SLC4A10: variants seen among roughly 807,000 people sequenced by gnomAD.
SLC4A10 encodes the protein solute carrier family 4 member 10, also known as sodium-driven chloride bicarbonate exchanger.
SLC4A10 carries 42 observed loss-of-function variants against 137.7 expected under a neutral mutation model. The observed-to-expected ratio is 0.30, with a 90% CI of 0.24 to 0.39. SLC4A10 has a LOEUF of 0.39. Among genes scored for constraint, SLC4A10 ranks in the 10% least tolerant of loss-of-function variants. The pLI, the probability that SLC4A10 is intolerant of heterozygous loss-of-function variation, is 1.00. For missense variants in SLC4A10, 925 were observed against 1,355.0 expected (o/e 0.68, Z 4.98); for synonymous variants, 474 against 464.1 (o/e 1.02, Z -0.27).
chr2:161,964,862 TG>T (rs1157918477), intron 22 of SLC4A10, among the ~76,000 whole-genome samples, 188 bp from the exon 23 acceptor site: 2 of 152,154 alleles, frequency 1.3e-5, no homozygotes, highest in Non-Finnish European at 2.9e-5. Context: ...GTCATTATTG[TG>T]GTGATGTAGT....
chr2:161,625,508 T>C (rs1464092993), intron 1 of SLC4A10, among the ~76,000 whole-genome samples: 2 of 152,216 alleles, frequency 1.3e-5, no homozygotes, highest in East Asian at 1.9e-4. Flanking sequence ...ATCCCCTCCC[T>C]GCACCAAACC....
chr2:161,949,359 G>A, intron 18 of SLC4A10, 98 bp downstream of exon 18: 2 of 744,280 alleles, frequency 2.7e-6, no homozygotes, highest in Non-Finnish European at 4.3e-6. Flanking sequence ...ATGAAAATAT[G>A]AAGAATTTAG....
At chr2:161,950,154 A>T (rs1001711043) in intron 18 of SLC4A10, among the ~76,000 whole-genome samples, 1 of 152,008 alleles carries the variant, frequency 6.6e-6, no homozygotes, top group East Asian at 1.9e-4. Flanking sequence ...CAAAAATAAC[A>T]GTTACAATAC....
intron 2 of SLC4A10, among the ~76,000 whole-genome samples, chr2:161,784,072 C>T (rs554804929): frequency 1.5e-4 from 22 of 151,496 alleles, no homozygotes; most frequent in African/African-American, 4.3e-4. Flanking sequence ...TAATGAAAAA[C>T]GAGCAAGAGT....
intron 15 of SLC4A10, among the ~76,000 whole-genome samples, chr2:161,917,621 C>G (rs577943345): frequency 5.3e-5 from 8 of 150,720 alleles, no homozygotes; most frequent in Non-Finnish European, 1.0e-4. Context: ...AAAGAAACTG[C>G]CAATGTGCTT....
chr2:161,784,858 A>G (rs2053444290), intron 2 of SLC4A10, among the ~76,000 whole-genome samples: 1 of 151,462 alleles, frequency 6.6e-6, no homozygotes, highest in Admixed American at 6.6e-5. Flanking sequence ...AAAAAAACAC[A>G]CTAGACCCAA....
chr2:161,930,701 A>T (rs930019600), intron 15 of SLC4A10, among the ~76,000 whole-genome samples: 1 of 152,068 alleles, frequency 6.6e-6, no homozygotes, highest in African/African-American at 2.4e-5. Flanking sequence ...GAGTATTACT[A>T]ATTATAGAAG....
chr2:161,685,037 G>A (rs183132643), intron 1 of SLC4A10, among the ~76,000 whole-genome samples: 216 of 152,278 alleles, frequency 1.4e-3, no homozygotes, highest in African/African-American at 4.6e-3. Flanking sequence ...AAGCCAGACT[G>A]CCTAACAGTA....
At chr2:161,897,701 G>C (rs1458830034) in intron 11 of SLC4A10, among the ~76,000 whole-genome samples, 1 of 151,974 alleles carries the variant, frequency 6.6e-6, no homozygotes, top group Non-Finnish European at 1.5e-5. Context: ...ATAAAAAGTT[G>C]CCTAATAATT....
chr2:161,847,042 G>A (rs140757810), intron 4 of SLC4A10, among the ~76,000 whole-genome samples: 2,402 of 151,126 alleles, frequency 0.016, 67 homozygotes, highest in African/African-American at 0.056. Context: ...TTCAAGACCA[G>A]CCTGGGTAAC....
chr2:161,784,988 C>T (rs1000238026), intron 2 of SLC4A10, among the ~76,000 whole-genome samples: 1 of 150,082 alleles, frequency 6.7e-6, no homozygotes, highest in African/African-American at 2.4e-5. Flanking sequence ...AATTGACAAA[C>T]CTTTGGCTAG....
intron 18 of SLC4A10, 63 bp downstream of exon 18, chr2:161,949,324 T>G (rs1694386286): frequency 1.9e-6 from 2 of 1,072,060 alleles, no homozygotes; most frequent in Non-Finnish European, 2.9e-6. Flanking sequence ...AGATGATACC[T>G]ATAACTCTAG....
chr2:161,815,274 T>C (rs1346006333), intron 3 of SLC4A10, among the ~76,000 whole-genome samples: 8 of 151,996 alleles, frequency 5.3e-5, no homozygotes, highest in Non-Finnish European at 1.0e-4. Context: ...GGGAGGTGAT[T>C]GGATTTTGGG....
At chr2:161,704,065 GAGA>G (rs1392479983) in intron 1 of SLC4A10, among the ~76,000 whole-genome samples, 1 of 151,640 alleles carries the variant, frequency 6.6e-6, no homozygotes, top group African/African-American at 2.4e-5. Flanking sequence ...CTCAAAAAAA[GAGA>G]AGTAGGTATT....
chr2:161,975,122 A>G (rs556763503), intron 24 of SLC4A10, among the ~76,000 whole-genome samples: 2 of 152,210 alleles, frequency 1.3e-5, no homozygotes, highest in Non-Finnish European at 2.9e-5. Flanking sequence ...GTCTGACTCT[A>G]AGATTATATT....
At chr2:161,663,004 C>G (rs867755306) in intron 1 of SLC4A10, among the ~76,000 whole-genome samples, 21 of 152,160 alleles carry the variant, frequency 1.4e-4, no homozygotes, top group South Asian at 6.2e-4. Context: ...TGTCCACCCC[C>G]CTTCCCCCAA....
At chr2:161,639,926 T>A (rs1256051388) in intron 1 of SLC4A10, among the ~76,000 whole-genome samples, 1 of 152,152 alleles carries the variant, frequency 6.6e-6, no homozygotes, top group African/African-American at 2.4e-5. Context: ...GCAGTAAAAT[T>A]GCAGAATACA....
intron 15 of SLC4A10, among the ~76,000 whole-genome samples, chr2:161,928,222 G>A (rs1689574922): frequency 6.7e-6 from 1 of 149,852 alleles, no homozygotes; most frequent in African/African-American, 2.5e-5. Context: ...GTCCTTTGTA[G>A]GGACATGGAT....
intron 1 of SLC4A10, among the ~76,000 whole-genome samples, chr2:161,708,263 T>A (rs551224700): frequency 6.6e-6 from 1 of 151,512 alleles, no homozygotes; most frequent in Non-Finnish European, 1.5e-5. Flanking sequence ...GAGAGTATAA[T>A]TTTGCTTGGT....
Sources: gnomAD v4.1 joint callset for allele counts (sites outside exome capture counted in the v4.1 genomes callset) on GRCh38, gnomAD v4.1.1 for gene constraint, MANE v1.5 for transcripts, NCBI Gene and HGNC (gene_info 2026-07-23, HGNC 2026-07-21) for gene names.